The following DNAJC6 variants were observed in gnomAD, a reference collection of about 807,000 sequenced individuals.
DNAJC6 encodes the protein DnaJ heat shock protein family (Hsp40) member C6, also known as auxilin.
Under a neutral mutation model 110.0 loss-of-function variants are expected in DNAJC6, and 34 were observed. That is an observed-to-expected ratio of 0.31 (90% CI 0.24 to 0.41). The LOEUF is 0.41. Among genes scored for constraint, DNAJC6 ranks in the 10% least tolerant of loss-of-function variants. The pLI is 1.00. For synonymous variants in DNAJC6, 406 were observed against 437.2 expected (o/e 0.93, Z 0.89); for missense variants, 1,031 against 1,207.8 (o/e 0.85, Z 2.17).
chr1:65,373,268 G>A, intron 4 of DNAJC6, among the ~76,000 whole-genome samples: 1 of 152,124 alleles, frequency 6.6e-6, no homozygotes, highest in Admixed American at 6.6e-5. Context: ...CAATAAACAT[G>A]GGAGTGCAGC....
chr1:65,317,850 T>C (rs1403010871), intron 1 of DNAJC6, among the ~76,000 whole-genome samples: 4 of 152,250 alleles, frequency 2.6e-5, no homozygotes, highest in African/African-American at 9.6e-5. Context: ...GCCATAATTT[T>C]AACCAGGAAG....
At chr1:65,367,416 C>T (rs1462414651) in intron 4 of DNAJC6, among the ~76,000 whole-genome samples, 3 of 152,040 alleles carry the variant, frequency 2.0e-5, no homozygotes, top group South Asian at 2.1e-4. Context: ...ACTCTTATTC[C>T]ATCTATTAGC....
In DNAJC6 at chr1:65,380,921, G is replaced by GT. The variant is rs1162044500; in HGVS notation, c.666+1413dup. Among the ~76,000 whole-genome samples the GT allele has an allele frequency of 4.2e-3, 419 of 99,286 alleles. 9 individuals carry two copies. Among genetic ancestry groups the GT allele is most frequent in the East Asian group, 5.8e-3 (20 of 3,426 alleles). 65.1% of individuals were successfully genotyped at this position (99,286 alleles called of 152,430 possible). A position where few individuals can be genotyped will look rare whatever the true frequency, so the allele number is the denominator to read the frequency against. ...TTTTTTTTGTTTTTTGTTTTGTTTT[G>GT]TTTTTTTTTTTTTTTTGGGACCGAG... On this transcript the variant is annotated intron_variant, in intron 5 of 18. Transcript: ENST00000371069.
intron 11 of DNAJC6, among the ~76,000 whole-genome samples, chr1:65,392,212 C>G (rs1645933858): frequency 6.6e-6 from 1 of 152,202 alleles, no homozygotes; most frequent in African/African-American, 2.4e-5. Context: ...AGAGTTCCTG[C>G]TCCTTACCCC....
intron 1 of DNAJC6, among the ~76,000 whole-genome samples, chr1:65,272,021 T>G (rs1365999662): frequency 6.6e-6 from 1 of 152,190 alleles, no homozygotes; most frequent in Non-Finnish European, 1.5e-5. Flanking sequence ...TAATGACAGC[T>G]TTTTCTTCTT....
chr1:65,309,442 C>T (rs1401623819), upstream of DNAJC6: 12 of 748,306 alleles, frequency 1.6e-5, no homozygotes, highest in South Asian at 4.5e-5. Context: ...GCCTGGGGCC[C>T]GGAGCTCGGC....
At chr1:65,371,943 A>G (rs1645710221) in intron 4 of DNAJC6, among the ~76,000 whole-genome samples, 1 of 152,200 alleles carries the variant, frequency 6.6e-6, no homozygotes, top group African/African-American at 2.4e-5. Flanking sequence ...CCTTTTAGAC[A>G]GAGCACATGC....
At chr1:65,327,079 A>G (rs1302010965) in intron 1 of DNAJC6, among the ~76,000 whole-genome samples, 1 of 152,186 alleles carries the variant, frequency 6.6e-6, no homozygotes, top group Non-Finnish European at 1.5e-5. Flanking sequence ...GGTAAAAAGT[A>G]AGAGGGTTGA....
At chr1:65,389,223 C>A in intron 9 of DNAJC6, 33 bp from the exon 10 acceptor site, 1 of 1,585,618 alleles carries the variant, frequency 6.3e-7, no homozygotes, top group South Asian at 1.1e-5. Flanking sequence ...CATTGTTTTT[C>A]ACTGAATTTA....
chr1:65,368,911 A>G (rs1338872472), intron 4 of DNAJC6, among the ~76,000 whole-genome samples: 1 of 151,642 alleles, frequency 6.6e-6, no homozygotes, highest in Non-Finnish European at 1.5e-5. Flanking sequence ...AGCTGGGATT[A>G]CAGATGTGTG....
chr1:65,407,713 G>A (rs1031925782), intron 16 of DNAJC6, among the ~76,000 whole-genome samples: 1 of 152,198 alleles, frequency 6.6e-6, no homozygotes, highest in African/African-American at 2.4e-5. Flanking sequence ...TACTTATGGA[G>A]CATCTTCAGT....
chr1:65,355,773 T>C (rs1645536997), intron 1 of DNAJC6, among the ~76,000 whole-genome samples: 1 of 151,972 alleles, frequency 6.6e-6, no homozygotes, highest in Non-Finnish European at 1.5e-5. Flanking sequence ...AAGTGAAGAG[T>C]TTCCATGGGC....
chr1:65,310,047 G>C (rs1209893470), intron 1 of DNAJC6, 109 bp downstream of exon 1: 3 of 1,298,266 alleles, frequency 2.3e-6, no homozygotes, highest in South Asian at 1.7e-5. Context: ...GTTTGCGAGA[G>C]AGCCGGGCTG....
At chr1:65,291,486 T>C (rs1358139559) in intron 1 of DNAJC6, among the ~76,000 whole-genome samples, 2 of 152,230 alleles carry the variant, frequency 1.3e-5, no homozygotes, top group African/African-American at 4.8e-5. Flanking sequence ...TCTCCAAAGC[T>C]AAAGGTGCAG....
chr1:65,331,893 T>C (rs1435288711), intron 1 of DNAJC6, among the ~76,000 whole-genome samples: 1 of 152,220 alleles, frequency 6.6e-6, no homozygotes, highest in African/African-American at 2.4e-5. Context: ...ACAGGACTTA[T>C]TCCATGTGGT....
chr1:65,322,408 C>G (rs1173929821), intron 1 of DNAJC6, among the ~76,000 whole-genome samples: 4 of 152,050 alleles, frequency 2.6e-5, no homozygotes, highest in Non-Finnish European at 1.5e-5. Flanking sequence ...ACTTGAATTC[C>G]TGGAATCCAT....
At chr1:65,330,554 C>T (rs558843537) in intron 1 of DNAJC6, among the ~76,000 whole-genome samples, 24 of 152,172 alleles carry the variant, frequency 1.6e-4, no homozygotes, top group South Asian at 6.2e-4. Flanking sequence ...CCGCAAGCTC[C>T]GCCTCCTGGG....
chr1:65,374,157 A>G (rs1188921570), intron 4 of DNAJC6, among the ~76,000 whole-genome samples: 1 of 152,204 alleles, frequency 6.6e-6, no homozygotes, highest in Non-Finnish European at 1.5e-5. Flanking sequence ...TTTTTATGCC[A>G]GTACCATGCT....
At chr1:65,330,791 TA>T (rs760742268) in intron 1 of DNAJC6, among the ~76,000 whole-genome samples, 2 of 152,194 alleles carry the variant, frequency 1.3e-5, no homozygotes, top group Non-Finnish European at 1.5e-5. Flanking sequence ...CTTGCTCATA[TA>T]AAAGTCGGAT....
Sources: gnomAD v4.1 joint callset for allele counts (sites outside exome capture counted in the v4.1 genomes callset) on GRCh38, gnomAD v4.1.1 for gene constraint, MANE v1.5 for transcripts, NCBI Gene and HGNC (gene_info 2026-07-23, HGNC 2026-07-21) for gene names.